The following IL1RN variants were observed in gnomAD, a reference collection of about 807,000 sequenced individuals.
IL1RN encodes the protein interleukin-1 receptor antagonist protein.
In IL1RN, 10 loss-of-function variants were observed where a neutral mutation model predicts 13.7. The observed-to-expected ratio is 0.73, with a 90% CI of 0.45 to 1.24. The LOEUF (loss-of-function observed/expected upper bound fraction) is 1.24. Among genes scored for constraint, IL1RN ranks in the 50% most tolerant of loss-of-function variants. The pLI is 0.00. For missense variants in IL1RN, 213 were observed against 222.1 expected (o/e 0.96, Z 0.26); for synonymous variants, 102 against 82.7 (o/e 1.23, Z -1.27).
rs1687217206 is a variant in IL1RN at position 113,132,730 on chromosome 2, C to T, written c.393C>T (p.Gly131=). The T allele has an allele frequency of 6.2e-7, 1 of 1,614,242 alleles. No individual in the cohort carries two copies. Among genetic ancestry groups the T allele is most frequent in the Non-Finnish European group, 8.5e-7 (1 of 1,180,014 alleles). Reference sequence around the variant, plus strand: ...TCGCCTTCATCCGCTCAGACAGTGGCCCCACCACCAGTTTTGAGTCTGCCG... The same window carrying T: ...TCGCCTTCATCCGCTCAGACAGTGGTCCCACCACCAGTTTTGAGTCTGCCG... ...KRFAFIRSDS[G]PTTSFESAAC... is the part of the protein sequence containing the mutation. The change falls in exon 4 of 4, where the codon GGC becomes GGT. Residue 131 remains glycine, a synonymous_variant. Coordinates refer to ENST00000409930, the MANE Select transcript of IL1RN (RefSeq NM_173842.3).
upstream of IL1RN, chr2:113,111,047 A>C: frequency 6.6e-6 from 1 of 152,250 alleles, no homozygotes; most frequent in East Asian, 1.9e-4. Flanking sequence ...GAGAGGTCCT[A>C]CACTGCCATC....
chr2:113,127,125 G>A (rs936429124), upstream of IL1RN, among the ~76,000 whole-genome samples: 9 of 152,162 alleles, frequency 5.9e-5, no homozygotes, highest in Admixed American at 1.3e-4. Flanking sequence ...TTACTATCTC[G>A]TCCTTTACAG....
intron 3 of IL1RN, among the ~76,000 whole-genome samples, chr2:113,131,578 G>C (rs1687173326): frequency 6.6e-6 from 1 of 152,096 alleles, no homozygotes; most frequent in African/African-American, 2.4e-5. Context: ...TGAACACCAG[G>C]AGACACGGTC....
chr2:113,113,308 A>G (rs1460682696), upstream of IL1RN, among the ~76,000 whole-genome samples: 1 of 152,226 alleles, frequency 6.6e-6, no homozygotes, highest in East Asian at 1.9e-4. Context: ...GCTGAGTGAA[A>G]TAAGACAGAC....
upstream of IL1RN, among the ~76,000 whole-genome samples, chr2:113,114,185 C>T (rs1054304526): frequency 1.3e-5 from 2 of 152,154 alleles, no homozygotes; most frequent in African/African-American, 4.8e-5. Context: ...GTTTCTCTAT[C>T]GAAGGCCATA....
At chr2:113,107,399 T>A (rs147589424), upstream of IL1RN, 4 of 152,202 alleles carry the variant, frequency 2.6e-5, no homozygotes, top group African/African-American at 9.6e-5. Flanking sequence ...AGAGAAAAAC[T>A]AACTGTTAAT....
upstream of IL1RN, among the ~76,000 whole-genome samples, chr2:113,125,742 G>A (rs1369846846): frequency 2.0e-5 from 3 of 152,198 alleles, no homozygotes; most frequent in Admixed American, 1.3e-4. Flanking sequence ...CATTTTGTCT[G>A]TATTCCTGTG....
Position 113,132,946 on chromosome 2 carries a change from C to T in IL1RN, c.*75C>T. The T allele has an allele frequency of 1.4e-6, 2 of 1,454,294 alleles. No individual in the cohort carries two copies. Among genetic ancestry groups the T allele is most frequent in the Non-Finnish European group, 1.9e-6 (2 of 1,036,302 alleles). The allele number at this position is 1,454,294 out of a possible 1,614,324, so 90.1% of individuals were successfully genotyped here. ...GACTGCCAGTCCCCCTGCCCCAGGG[C>T]TCCCGGCTATGGGGGCACTGAGGAC... On this transcript the variant is annotated 3_prime_UTR_variant, in exon 4 of 4. Coordinates refer to ENST00000409930, the MANE Select transcript of IL1RN (RefSeq NM_173842.3).
chr2:113,117,671 C>A, upstream of IL1RN: 1 of 462,506 alleles, frequency 2.2e-6, no homozygotes, highest in South Asian at 2.8e-5. Flanking sequence ...TTGGGGTAAG[C>A]ACGAAGGCCC....
intron 1 of IL1RN, chr2:113,112,888 A>G (rs1686524550): frequency 6.6e-6 from 1 of 152,212 alleles, no homozygotes; most frequent in Non-Finnish European, 1.5e-5. Flanking sequence ...AATATTCATG[A>G]GGCAAACACA....
At chr2:113,121,236 C>A (rs1245161788) in intron 2 of IL1RN, among the ~76,000 whole-genome samples, 1 of 152,168 alleles carries the variant, frequency 6.6e-6, no homozygotes, top group Admixed American at 6.5e-5. Context: ...GACAGAGTAG[C>A]CTGAACCTTG....
chr2:113,110,119 A>G (rs1406587065), upstream of IL1RN, among the ~76,000 whole-genome samples: 2 of 152,222 alleles, frequency 1.3e-5, no homozygotes, highest in Admixed American at 1.3e-4. Flanking sequence ...GCAGATGAAA[A>G]AAAAGTCCCC....
At chr2:113,102,638 G>C (rs1686331267), upstream of IL1RN, among the ~76,000 whole-genome samples, 2 of 152,146 alleles carry the variant, frequency 1.3e-5, no homozygotes, top group Non-Finnish European at 2.9e-5. Context: ...GTCAGCGAAG[G>C]GAGATGGGGT....
exon 1 of IL1RN, chr2:113,117,930 C>A: frequency 7.2e-6 from 6 of 832,972 alleles, no homozygotes; most frequent in Non-Finnish European, 1.3e-5. Context: ...GGCCCAGGTA[C>A]TGCCCGGGTG....
chr2:113,125,910 T>A (rs181614697), upstream of IL1RN, among the ~76,000 whole-genome samples: 64 of 152,344 alleles, frequency 4.2e-4, no homozygotes, highest in Admixed American at 4.6e-4. Flanking sequence ...GTGATCCTCC[T>A]GCCTCAGCCT....
chr2:113,110,094 G>T (rs567905336), upstream of IL1RN, among the ~76,000 whole-genome samples: 3 of 152,270 alleles, frequency 2.0e-5, no homozygotes, highest in African/African-American at 7.2e-5. Context: ...GATCTGGATG[G>T]AGACTTATGT....
chr2:113,119,924 G>C, intron 1 of IL1RN: 1 of 730,436 alleles, frequency 1.4e-6, no homozygotes, highest in East Asian at 2.7e-5. Context: ...ACTCGGACTG[G>C]AAACTGGAAG....
At chr2:113,111,586 G>A (rs61366770) in intron 1 of IL1RN, among the ~76,000 whole-genome samples, 4 of 152,182 alleles carry the variant, frequency 2.6e-5, no homozygotes, top group South Asian at 2.1e-4. Flanking sequence ...GGTGAAGCCC[G>A]CATCCAATGA....
rs1275778229 is a variant in IL1RN, at chr2:113,127,655, C to A, written c.31C>A (p.Leu11Ile). ...AATCTGCAGAGGCCTCCGCAGTCAC[C>A]TAATCACTCTCCTCCTCTTCCTGTT... Reference protein sequence around the residue: MEICRGLRSHLITLLLFLFHS... With the variant: MEICRGLRSHIITLLLFLFHS... Residue 11 changes from leucine to isoleucine, a missense_variant, in exon 1 of 4, where the codon CTA (leucine) becomes ATA (isoleucine). Physicochemically the swap from Leu to Ile is conservative, Grantham distance 5. Transcript: ENST00000409930. 5 of 1,614,020 alleles carry A rather than the reference C, an allele frequency of 3.1e-6. No individual in the cohort carries two copies. Among genetic ancestry groups the A allele is most frequent in the Non-Finnish European group, 3.4e-6 (4 of 1,180,026 alleles).
Sources: allele counts gnomAD v4.1 joint callset (sites outside exome capture counted in the v4.1 genomes callset), GRCh38; gene constraint gnomAD v4.1.1; transcripts MANE v1.5; gene names NCBI Gene and HGNC (gene_info 2026-07-23, HGNC 2026-07-21).